Variants in TUBGCP2 observed in about 807,000 individuals in gnomAD.
TUBGCP2 encodes gamma-tubulin complex component 2.
Under a neutral mutation model 92.2 loss-of-function variants are expected in TUBGCP2, and 55 were observed. The observed-to-expected ratio is 0.60, with a 90% confidence interval of 0.48 to 0.75. The LOEUF (loss-of-function observed/expected upper bound fraction) is 0.75, where lower values mean the gene tolerates loss of function less well. Among genes scored for constraint, TUBGCP2 ranks in the 30% least tolerant of loss-of-function variants. TUBGCP2 has a pLI of 0.00. For synonymous variants in TUBGCP2, 533 were observed against 505.2 expected, an observed-to-expected ratio of 1.06 and a Z score of -0.74; for missense variants, 1,093 against 1,188.9, an observed-to-expected ratio of 0.92 and a Z score of 1.19.
chr10:133,296,098 G>C, intron 5 of TUBGCP2: 1 of 152,310 alleles, frequency 6.6e-6, no homozygotes, highest in Non-Finnish European at 1.5e-5. Flanking sequence ...CTGGCTGCAG[G>C]GTTCACAGCC....
rs1473559089 is a variant in TUBGCP2 at position 133,281,441 on chromosome 10, A to C, written c.2410-5T>G. ...GTCTGCGTGCTCAGCCAGGTGCTGG[A>C]AAGAAAGCCGGGGTGCGTGAGCCAT... On this transcript the variant is annotated splice_region_variant and splice_polypyrimidine_tract_variant and intron_variant, in intron 16 of 17. Transcript: ENST00000252936. 28 of 1,611,460 alleles carry C rather than the reference A, an allele frequency of 1.7e-5. No homozygotes were observed. The highest frequency in any genetic ancestry group is 2.3e-5 in the Non-Finnish European group (27 of 1,179,696).
chr10:133,309,858 C>G, upstream of TUBGCP2: 1 of 1,613,846 alleles, frequency 6.2e-7, no homozygotes, highest in African/African-American at 1.3e-5. Flanking sequence ...CTACCACACG[C>G]TGCACGGAAA....
In TUBGCP2 at chr10:133,279,679, A is replaced by G. The variant is rs986109860; in HGVS notation, c.*87T>C. On this transcript the variant is annotated 3_prime_UTR_variant, in exon 18 of 18. Coordinates refer to ENST00000252936, the MANE Select transcript of TUBGCP2 (RefSeq NM_006659.4). ...TTTATATTTAAACTGCAAAGACAGA[A>G]CACAGAGCATTCGATTTGAAAATTC... The G allele has an allele frequency of 1.7e-5, 24 of 1,454,132 alleles. No homozygotes were observed. Among genetic ancestry groups the G allele is most frequent in the Admixed American group, 5.8e-5 (2 of 34,294 alleles). 90.1% of individuals were successfully genotyped at this position (1,454,132 alleles called of 1,614,324 possible). A position where few individuals can be genotyped will look rare whatever the true frequency, so the allele number is the denominator to read the frequency against.
chr10:133,311,680 C>T (rs769653451), upstream of TUBGCP2: 35 of 1,546,040 alleles, frequency 2.3e-5, no homozygotes, highest in Middle Eastern at 2.0e-4. Flanking sequence ...CTGTGGGAGC[C>T]GTGCAGGGCA....
chr10:133,288,192 C>T lies in TUBGCP2; in HGVS notation c.1659G>A (p.Ala553=), dbSNP rs762368718. Reference sequence around the variant, plus strand: ...TCATGCGCAGCGCCAGCTCCAGGAGCGCTTCCAGGCGAGGGGGCGTGATGT... The same window carrying T: ...TCATGCGCAGCGCCAGCTCCAGGAGTGCTTCCAGGCGAGGGGGCGTGATGT... The part of the protein sequence containing the change: ...VEDITPPRLE[A]LLELALRMST... Residue 553 remains alanine, a synonymous_variant, in exon 11 of 18, where the codon GCG becomes GCA. Transcript: ENST00000252936. The T allele has an allele frequency of 1.9e-6, 3 of 1,613,902 alleles. No homozygotes were observed. Among genetic ancestry groups the T allele is most frequent in the South Asian group, 1.1e-5 (1 of 91,088 alleles).
At chr10:133,312,048 C>G (rs981497048), upstream of TUBGCP2, 2 of 1,488,326 alleles carry the variant, frequency 1.3e-6, no homozygotes, top group Middle Eastern at 1.8e-4. Context: ...GTTTTTGAGC[C>G]ATTGAAGCGC....
At chr10:133,286,835 CAG>C (rs1847145223) in intron 11 of TUBGCP2, among the ~76,000 whole-genome samples, 1 of 152,152 alleles carries the variant, frequency 6.6e-6, no homozygotes, top group Non-Finnish European at 1.5e-5. Flanking sequence ...TCCAGACAAA[CAG>C]AAATTATGAC....
upstream of TUBGCP2, among the ~76,000 whole-genome samples, chr10:133,310,715 G>A (rs1847972418): frequency 6.6e-6 from 1 of 152,188 alleles, no homozygotes. Flanking sequence ...TTTTGTCCTG[G>A]TTGGTTGTGC....
chr10:133,299,799 T>C (rs1305332177), intron 3 of TUBGCP2, among the ~76,000 whole-genome samples, 186 bp downstream of exon 3: 2 of 152,192 alleles, frequency 1.3e-5, no homozygotes, highest in African/African-American at 4.8e-5. Context: ...CTGCTTCTCA[T>C]GTTTACACCC....
Position 133,289,844 on chromosome 10 carries a change from G to A in TUBGCP2, c.1340C>T (p.Ala447Val), listed in dbSNP as rs765013175. The change falls in exon 9 of 18, where the codon GCG (alanine) becomes GTG (valine). Residue 447 changes from alanine (A) to valine (V), a missense_variant. Physicochemically the swap from Ala to Val is moderately conservative, Grantham distance 64. Coordinates refer to ENST00000252936, the MANE Select transcript of TUBGCP2 (RefSeq NM_006659.4). The part of the protein sequence containing the change: ...QQIPSFLQKM[A>V]DKILSTGKYL... The stretch of plus-strand genomic sequence containing the variant: ...CGCACCTGTGCTGAGGATCTTGTCC[G>A]CCATTTTCTGCAGGAAGGACGGGAT... The A allele has an allele frequency of 5.6e-6, 9 of 1,614,132 alleles. No homozygotes were observed. In the African/African-American group the frequency reaches 6.7e-5, roughly 12 times the overall value.
rs1453976708 is a variant in TUBGCP2 at position 133,285,132 on chromosome 10, C to T, written c.1977G>A (p.Trp659Ter). The change falls in exon 13 of 18, where the codon TGG becomes TGA. Residue 659 changes from tryptophan (W) to a stop codon, truncating the protein, a stop_gained. Transcript: ENST00000252936. LOFTEE classifies it high-confidence loss of function. The surrounding 1 kb of genome is among the most constrained non-coding windows in gnomAD (Gnocchi z 6.8). The part of the protein sequence containing the change: ...KHVERQLCSV[W>*]ISNKTAKQHS... The stretch of plus-strand genomic sequence containing the variant: ...GCTGCTTGGCGGTTTTGTTGCTGAT[C>T]CAGACGCTGCAGAGCTGCCGCTCCA... 3.1e-6 allele frequency: 5 copies of T among 1,612,804 alleles called. No homozygotes were observed. The highest frequency in any genetic ancestry group is 4.2e-6 in the Non-Finnish European group (5 of 1,179,480).
At chr10:133,289,062 G>A (rs1428226654) in intron 9 of TUBGCP2, 42 bp from the exon 10 acceptor site, 16 of 1,584,154 alleles carry the variant, frequency 1.0e-5, no homozygotes, top group Non-Finnish European at 1.3e-5. Context: ...CCACATGGTC[G>A]ATCTCAGGCC....
At position 133,285,120 on chromosome 10, in the gene TUBGCP2, T is replaced by C; in HGVS notation, c.1989A>G (p.Lys663=). 4 of 1,611,164 alleles carry C rather than the reference T, an allele frequency of 2.5e-6. No individual in the cohort carries two copies. The highest frequency in any genetic ancestry group is 3.3e-5 in the Admixed American group (2 of 59,982). The change falls in exon 13 of 18, where the codon AAA becomes AAG. Residue 663 remains lysine (K), a synonymous_variant. Transcript: ENST00000252936. The surrounding 1 kb of genome is among the most constrained non-coding windows in gnomAD (Gnocchi z 6.8). The stretch of plus-strand genomic sequence containing the variant: ...AGTGCAGCGAGTGCTGCTTGGCGGT[T>C]TTGTTGCTGATCCAGACGCTGCAGA... ...RQLCSVWISN[K]TAKQHSLHSA... is the part of the protein sequence containing the mutation.
upstream of TUBGCP2, chr10:133,310,258 TC>T: frequency 6.2e-7 from 1 of 1,614,024 alleles, no homozygotes. Flanking sequence ...CCCGCGGACT[TC>T]CGGTTTGATA....
At chr10:133,309,127 G>C (rs1847920535), upstream of TUBGCP2, 5 of 1,361,330 alleles carry the variant, frequency 3.7e-6, no homozygotes, top group Non-Finnish European at 4.7e-6. Flanking sequence ...AAAAGTAGTT[G>C]TAGGATCCAG....
intron 14 of TUBGCP2, among the ~76,000 whole-genome samples, 178 bp downstream of exon 14, chr10:133,283,696 TGCCTCTCC>T (rs1410499200): frequency 2.7e-4 from 17 of 63,686 alleles, no homozygotes; most frequent in Admixed American, 1.5e-3. Context: ...CCGCATTCCC[TGCCTCTCC>T]CGCACGCCCT....
At chr10:133,297,806 G>C (rs755776014) in intron 5 of TUBGCP2, 146 bp downstream of exon 5, 1 of 1,252,626 alleles carries the variant, frequency 8.0e-7, no homozygotes, top group African/African-American at 1.5e-5. Flanking sequence ...ACAACCTGAG[G>C]AAAGGCAGGC....
At chr10:133,298,923 C>T (rs1297533627) in intron 4 of TUBGCP2, among the ~76,000 whole-genome samples, 4 of 152,206 alleles carry the variant, frequency 2.6e-5, no homozygotes, top group African/African-American at 7.2e-5. Context: ...AAGGCAGGAA[C>T]GTGGCAGCTC....
Position 133,288,847 on chromosome 10 carries a change from G to A in TUBGCP2, c.1534C>T (p.His512Tyr). 9.9e-6 allele frequency: 16 copies of A among 1,609,970 alleles called. No homozygotes were observed. The highest frequency in any genetic ancestry group is 1.4e-5 in the Non-Finnish European group (16 of 1,177,752). ...GACAGGGCACGGAATCACCTGAGGT[G>A]AGCCACCAGCTCCTTCTCCTCCATC... Reference protein sequence around the residue: ...FLMEEKELVAHLRSIKRYFLM... With the variant: ...FLMEEKELVAYLRSIKRYFLM... Residue 512 changes from histidine to tyrosine, a missense_variant, in exon 10 of 18, where the codon CAC becomes TAC. Around this residue, in one of 3 missense-constraint regions of TUBGCP2, gnomAD observed 598 missense variants for 675.5 expected, o/e 0.89. Transcript: ENST00000252936.
Sources: allele counts gnomAD v4.1 joint callset (sites outside exome capture counted in the v4.1 genomes callset), GRCh38; gene constraint gnomAD v4.1.1; regional missense constraint gnomAD v4.1.1; non-coding constraint Gnocchi (gnomAD v3.1); transcripts MANE v1.5; gene names NCBI Gene and HGNC (gene_info 2026-07-23, HGNC 2026-07-21).